Variants in ZSWIM6 observed in about 807,000 individuals in gnomAD.
ZSWIM6 encodes zinc finger SWIM-type containing 6.
In ZSWIM6, 9 loss-of-function variants were observed where a neutral mutation model predicts 113.2. The ratio of observed to expected loss-of-function variants is 0.08; its 90% CI spans 0.05 to 0.14. The LOEUF (loss-of-function observed/expected upper bound fraction) is 0.14, where lower values mean the gene tolerates loss of function less well. Among genes scored for constraint, ZSWIM6 ranks in the 10% least tolerant of loss-of-function variants. The probability of loss-of-function intolerance (pLI) is 1.00; values close to 1 mark genes in which losing one functional copy is unlikely to be tolerated. For synonymous variants in ZSWIM6, 611 were observed against 606.5 expected (o/e 1.01, Z -0.11); for missense variants, 1,162 against 1,552.2 (o/e 0.75, Z 4.22).
intron 1 of ZSWIM6, among the ~76,000 whole-genome samples, chr5:61,428,122 A>G (rs182174536): frequency 6.6e-6 from 1 of 152,324 alleles, no homozygotes; most frequent in East Asian, 1.9e-4. Flanking sequence ...TTTTATGTCT[A>G]CAGTGGACAG....
rs528225240 is a variant in ZSWIM6 at position 61,412,325 on chromosome 5, C to T, written c.677-60356C>T. On this transcript the variant is annotated intron_variant, in intron 1 of 13. Coordinates refer to ENST00000252744, the MANE Select transcript of ZSWIM6 (RefSeq NM_020928.2). ...GGCATCGTTTGCTGGGAAATGGGGT[C>T]GGGAGAGAAGCAGCATCCTAGGTTT... Among the ~76,000 whole-genome samples, 107 of 152,216 alleles carry T rather than the reference C, an allele frequency of 7.0e-4. 1 individual carries two copies. The Middle Eastern group carries it at 0.01, about 15-fold the overall frequency.
chr5:61,469,978 A>T (rs946032017), intron 1 of ZSWIM6, among the ~76,000 whole-genome samples: 3 of 152,148 alleles, frequency 2.0e-5, no homozygotes, highest in Non-Finnish European at 4.4e-5. Context: ...AAGTGCTGGG[A>T]TTACAGGCAT....
At chr5:61,360,749 C>G (rs144575245) in intron 1 of ZSWIM6, among the ~76,000 whole-genome samples, 158 of 152,246 alleles carry the variant, frequency 1.0e-3, no homozygotes, top group African/African-American at 3.6e-3. Context: ...TTTTTATAGC[C>G]AATACAATGG....
At chr5:61,475,481 A>C (rs993450184) in intron 2 of ZSWIM6, among the ~76,000 whole-genome samples, 2 of 152,218 alleles carry the variant, frequency 1.3e-5, no homozygotes, top group African/African-American at 4.8e-5. Flanking sequence ...AAGCCTATCA[A>C]GGATAGATTG....
chr5:61,347,416 T>A (rs2112034601), intron 1 of ZSWIM6: 1 of 162,528 alleles, frequency 6.2e-6, no homozygotes, highest in South Asian at 1.7e-4. Context: ...GTTTCCATCA[T>A]TTGGAAGTTT....
intron 4 of ZSWIM6, among the ~76,000 whole-genome samples, chr5:61,511,000 A>G (rs1748772514): frequency 6.6e-6 from 1 of 152,128 alleles, no homozygotes; most frequent in Non-Finnish European, 1.5e-5. Context: ...TATTGAAGGG[A>G]AAGGAGATAA....
chr5:61,419,809 A>G (rs1244992532), intron 1 of ZSWIM6, among the ~76,000 whole-genome samples: 1 of 152,144 alleles, frequency 6.6e-6, no homozygotes, highest in Non-Finnish European at 1.5e-5. Flanking sequence ...TTCTGGTTGT[A>G]TGAATTACAG....
At chr5:61,447,233 T>C (rs1011681248) in intron 1 of ZSWIM6, among the ~76,000 whole-genome samples, 15 of 152,026 alleles carry the variant, frequency 9.9e-5, no homozygotes, top group Non-Finnish European at 2.9e-5. Flanking sequence ...CCAAAGAATA[T>C]TGGGGCCAAA....
chr5:61,466,680 A>C (rs965048309), intron 1 of ZSWIM6, among the ~76,000 whole-genome samples: 1 of 152,162 alleles, frequency 6.6e-6, no homozygotes, highest in African/African-American at 2.4e-5. Context: ...CTTTGAGTTT[A>C]TAACAGTCTT....
chr5:61,440,761 C>T (rs1320417690), intron 1 of ZSWIM6, among the ~76,000 whole-genome samples: 1 of 152,184 alleles, frequency 6.6e-6, no homozygotes, highest in Non-Finnish European at 1.5e-5. Context: ...GGGGAATTTT[C>T]TGTTCTATTC....
At chr5:61,505,675 T>TTCC (rs1580049468) in intron 4 of ZSWIM6, among the ~76,000 whole-genome samples, 4 of 38,082 alleles carry the variant, frequency 1.1e-4, no homozygotes, top group South Asian at 1.0e-3. Context: ...TCCTTCCTTC[T>TTCC]TTCCTTGCCT....
intron 1 of ZSWIM6, among the ~76,000 whole-genome samples, chr5:61,348,296 T>C (rs1579944910): frequency 6.6e-6 from 1 of 152,168 alleles, no homozygotes; most frequent in Non-Finnish European, 1.5e-5. Context: ...AGGATGAGTC[T>C]TGGTGGTAGT....
At chr5:61,333,116 C>T (rs1163849016) in intron 1 of ZSWIM6, among the ~76,000 whole-genome samples, 168 bp downstream of exon 1, 1 of 151,714 alleles carries the variant, frequency 6.6e-6, no homozygotes, top group Non-Finnish European at 1.5e-5. Context: ...CCCATTTCCT[C>T]CCTCCCTTCC....
chr5:61,467,487 A>C (rs755542374), intron 1 of ZSWIM6, among the ~76,000 whole-genome samples: 17 of 152,222 alleles, frequency 1.1e-4, no homozygotes, highest in Admixed American at 1.0e-3. Flanking sequence ...AAAACTAAAC[A>C]TACATTAATG....
chr5:61,482,913 T>A (rs1362771632), intron 2 of ZSWIM6, among the ~76,000 whole-genome samples: 1 of 152,084 alleles, frequency 6.6e-6, no homozygotes, highest in Non-Finnish European at 1.5e-5. Context: ...GCCATTTTTT[T>A]TTTTCTCCAG....
At chr5:61,425,541 A>G (rs1746447854) in intron 1 of ZSWIM6, among the ~76,000 whole-genome samples, 1 of 152,188 alleles carries the variant, frequency 6.6e-6, no homozygotes, top group African/African-American at 2.4e-5. Context: ...TTATAGGGAA[A>G]CTCACAAAAA....
chr5:61,392,832 G>A (rs567943778), intron 1 of ZSWIM6, among the ~76,000 whole-genome samples: 7 of 151,962 alleles, frequency 4.6e-5, no homozygotes, highest in East Asian at 3.9e-4. Flanking sequence ...GGCTGGTCTC[G>A]AACTCCCAAC....
At chr5:61,457,739 T>G (rs1241344977) in intron 1 of ZSWIM6, among the ~76,000 whole-genome samples, 1 of 152,160 alleles carries the variant, frequency 6.6e-6, no homozygotes, top group Non-Finnish European at 1.5e-5. Context: ...GCCAAGCTGG[T>G]CTCGAACTTC....
intron 1 of ZSWIM6, among the ~76,000 whole-genome samples, chr5:61,350,447 A>G (rs751403172): frequency 6.6e-6 from 1 of 152,090 alleles, no homozygotes; most frequent in Admixed American, 6.6e-5. Context: ...GCTCTCCTCA[A>G]TCTTTCATAT....
Sources: allele counts gnomAD v4.1 joint callset (sites outside exome capture counted in the v4.1 genomes callset), GRCh38; gene constraint gnomAD v4.1.1; transcripts MANE v1.5; gene names NCBI Gene and HGNC (gene_info 2026-07-23, HGNC 2026-07-21).